The following PRR5 variants were observed in gnomAD, a reference collection of about 807,000 sequenced individuals.
The protein encoded by PRR5 is proline-rich protein 5.
Under a neutral mutation model 30.6 loss-of-function variants are expected in PRR5, and 25 were observed. The ratio of observed to expected loss-of-function variants is 0.82; its 90% CI spans 0.60 to 1.14. The LOEUF (loss-of-function observed/expected upper bound fraction) is 1.14. Ranked by LOEUF, PRR5 falls within the 50% of genes most tolerant of loss-of-function variation. The pLI is 0.00. For synonymous variants in PRR5, 286 were observed against 247.1 expected, an observed-to-expected ratio of 1.16 and a Z score of -1.48; for missense variants, 600 against 547.1, an observed-to-expected ratio of 1.10 and a Z score of -0.96.
chr22:44,735,390 C>T (rs940130710), intron 7 of PRR5, among the ~76,000 whole-genome samples: 3 of 152,230 alleles, frequency 2.0e-5, no homozygotes, highest in Non-Finnish European at 4.4e-5. Flanking sequence ...GAGAGCTCCA[C>T]CAGACCTCCG....
chr22:44,713,816 T>G (rs1248814207), intron 1 of PRR5, among the ~76,000 whole-genome samples: 1 of 152,124 alleles, frequency 6.6e-6, no homozygotes, highest in African/African-American at 2.4e-5. Flanking sequence ...TTTCTTTTGT[T>G]TTTTTGAGAC....
At chr22:44,707,536 C>T (rs1927422414) in intron 1 of PRR5, among the ~76,000 whole-genome samples, 2 of 152,210 alleles carry the variant, frequency 1.3e-5, no homozygotes, top group Non-Finnish European at 2.9e-5. Context: ...GGCAGGGATG[C>T]ATCTTGCCAT....
rs557954799 is a variant in PRR5, at chr22:44,691,958, A to G, written c.-10-10534A>G. On this transcript the variant is annotated intron_variant, in intron 1 of 8. Coordinates refer to the PRR5 transcript ENST00000006251. This position sits in a 1 kb window ranked among gnomAD's most constrained non-coding sequence, Gnocchi z 4.4. The stretch of plus-strand genomic sequence containing the variant: ...CTCCACAGTCGGCTCTGTGGGCTCA[A>G]TTGATGCCATCAGGAACGCGGGCCA... 1.3e-5 allele frequency among the ~76,000 whole-genome samples: 2 copies of G among 152,156 alleles called. No homozygotes were observed. Among genetic ancestry groups the G allele is most frequent in the African/African-American group, 2.4e-5 (1 of 41,504 alleles).
At chr22:44,727,536 G>C (rs115284396) in intron 4 of PRR5, among the ~76,000 whole-genome samples, 1 of 152,184 alleles carries the variant, frequency 6.6e-6, no homozygotes, top group Non-Finnish European at 1.5e-5. Flanking sequence ...AGAAGCCACC[G>C]TTGTTAGCAC....
intron 1 of PRR5, chr22:44,679,951 G>C: frequency 6.9e-7 from 1 of 1,456,962 alleles, no homozygotes. Context: ...GTGCAGTGTG[G>C]CTGGAGGCTT....
chr22:44,704,935 T>C (rs1926942125), intron 1 of PRR5, among the ~76,000 whole-genome samples: 1 of 152,194 alleles, frequency 6.6e-6, no homozygotes, highest in East Asian at 1.9e-4. Flanking sequence ...GTCTGCATGC[T>C]CCTGCTCCTA....
At chr22:44,732,447 C>A (rs888530901) in intron 6 of PRR5, 56 bp downstream of exon 6, 2 of 1,566,608 alleles carry the variant, frequency 1.3e-6, no homozygotes, top group East Asian at 2.3e-5. Context: ...TAATTGGGCT[C>A]AGGTCCCCAC....
At chr22:44,696,840 G>A (rs970053188) in intron 1 of PRR5, among the ~76,000 whole-genome samples, 7 of 152,108 alleles carry the variant, frequency 4.6e-5, no homozygotes, top group South Asian at 2.1e-4. Flanking sequence ...GGGTTCGAGC[G>A]ATTCTCCTGC....
intron 1 of PRR5, among the ~76,000 whole-genome samples, chr22:44,714,337 C>T (rs1928724137): frequency 6.6e-6 from 1 of 152,162 alleles, no homozygotes; most frequent in South Asian, 2.1e-4. Flanking sequence ...GAGGTTTGGC[C>T]ACATAGTGTG....
At chr22:44,713,646 G>A (rs959143466) in intron 1 of PRR5, among the ~76,000 whole-genome samples, 4 of 152,232 alleles carry the variant, frequency 2.6e-5, no homozygotes, top group Non-Finnish European at 4.4e-5. Context: ...GATTACAGGC[G>A]TGAACCGCCA....
Position 44,737,007 on chromosome 22 carries a change from C to T in PRR5, c.927C>T (p.Ser309=), listed in dbSNP as rs970474448. ...AGGGCCCCACCGGGACCTTCAGGTC[C>T]TCCCCGGCGCCCCACTCAGGGCCCT... ...PGQGPTGTFR[S]SPAPHSGPCP... Residue 309 remains serine, a synonymous_variant, in exon 8 of 8, where the codon TCC becomes TCT. Coordinates refer to ENST00000336985, the MANE Select transcript of PRR5 (RefSeq NM_181333.4). The T allele has an allele frequency of 6.2e-7, 1 of 1,600,048 alleles. No homozygotes were observed. The highest frequency in any genetic ancestry group is 8.5e-7 in the Non-Finnish European group (1 of 1,173,330).
At chr22:44,733,147 C>G (rs1922540438) in intron 6 of PRR5, among the ~76,000 whole-genome samples, 2 of 152,254 alleles carry the variant, frequency 1.3e-5, no homozygotes. Context: ...CTGTTAGCCC[C>G]CCTCACAGCA....
chr22:44,733,651 C>T (rs114892135), intron 6 of PRR5, among the ~76,000 whole-genome samples: 4,748 of 152,228 alleles, frequency 0.031, 123 homozygotes, highest in Admixed American at 0.073. Flanking sequence ...GAGGCCTCCT[C>T]CCTGGCAGGA....
chr22:44,731,234 G>GCCGGATCATTAAAAAA, intron 4 of PRR5: 1 of 227,142 alleles, frequency 4.4e-6, no homozygotes, highest in Non-Finnish European at 8.9e-6. Context: ...GTACCTGTGT[G>GCCGGATCATTAAAAAA]GGTCTTACCT....
intron 1 of PRR5, among the ~76,000 whole-genome samples, chr22:44,682,093 C>T (rs546969913): frequency 2.0e-4 from 30 of 152,340 alleles, no homozygotes; most frequent in African/African-American, 6.7e-4. Context: ...GCGTGGCCAG[C>T]AGAGCTGAGA....
chr22:44,718,394 C>T (rs778432429), intron 2 of PRR5, among the ~76,000 whole-genome samples: 1 of 151,936 alleles, frequency 6.6e-6, no homozygotes, highest in Non-Finnish European at 1.5e-5. Flanking sequence ...AGGGTTTCAC[C>T]ATGTTGGCCA....
chr22:44,729,343 A>G (rs753337687), intron 4 of PRR5: 1 of 984,586 alleles, frequency 1.0e-6, no homozygotes, highest in Non-Finnish European at 1.2e-6. Flanking sequence ...GCACTCGGAT[A>G]AAGAAAGGAA....
chr22:44,729,682 G>A (rs1490690141), intron 4 of PRR5: 3 of 985,378 alleles, frequency 3.0e-6, no homozygotes, highest in Non-Finnish European at 3.6e-6. Context: ...CACAGGACAG[G>A]CCCCGGCAGA....
At chr22:44,713,251 G>A (rs2147072674) in intron 1 of PRR5, among the ~76,000 whole-genome samples, 1 of 152,324 alleles carries the variant, frequency 6.6e-6, no homozygotes, top group East Asian at 1.9e-4. Context: ...GCCAGCTCCT[G>A]TCATCCGAGG....
Sources: gnomAD v4.1 joint callset for allele counts (sites outside exome capture counted in the v4.1 genomes callset) on GRCh38, gnomAD v4.1.1 for gene constraint, Gnocchi (gnomAD v3.1) non-coding constraint, MANE v1.5 for transcripts, NCBI Gene and HGNC (gene_info 2026-07-23, HGNC 2026-07-21) for gene names.